Variants in TENM4 observed in about 807,000 individuals in gnomAD.
TENM4 encodes teneurin-4.
A neutral mutation model predicts 243.3 loss-of-function variants in TENM4; 82 were observed. The ratio of observed to expected loss-of-function variants is 0.34; its 90% CI spans 0.28 to 0.40. The LOEUF is 0.40. Ranked by LOEUF, TENM4 falls within the 10% of genes least tolerant of loss-of-function variation. TENM4 has a pLI of 1.00. For synonymous variants in TENM4, 1,412 were observed against 1,456.3 expected (o/e 0.97, Z 0.69); for missense variants, 3,138 against 3,673.3 (o/e 0.85, Z 3.77).
intron 1 of TENM4, among the ~76,000 whole-genome samples, chr11:79,323,236 A>G (rs999341784): frequency 6.6e-6 from 1 of 152,236 alleles, no homozygotes; most frequent in Non-Finnish European, 1.5e-5. Context: ...CTGATCCCAG[A>G]AGGCCTAACC....
intron 30 of TENM4, among the ~76,000 whole-genome samples, chr11:78,675,463 C>A (rs574682994): frequency 2.6e-5 from 4 of 152,190 alleles, no homozygotes; most frequent in Admixed American, 2.0e-4. Context: ...CTCTGTTCAT[C>A]ACCTGCCTTT....
At chr11:79,304,352 G>A (rs1342685000) in intron 1 of TENM4, among the ~76,000 whole-genome samples, 2 of 152,200 alleles carry the variant, frequency 1.3e-5, no homozygotes, top group Non-Finnish European at 2.9e-5. Flanking sequence ...CTCTTGAGGT[G>A]CGAAAGCCAA....
At chr11:79,044,023 G>A (rs1375451748) in intron 6 of TENM4, among the ~76,000 whole-genome samples, 1 of 152,100 alleles carries the variant, frequency 6.6e-6, no homozygotes, top group Non-Finnish European at 1.5e-5. Context: ...TGCTTCCAGG[G>A]TTACATCTGG....
At chr11:78,939,535 C>A (rs1041242032) in intron 6 of TENM4, among the ~76,000 whole-genome samples, 1 of 152,188 alleles carries the variant, frequency 6.6e-6, no homozygotes, top group African/African-American at 2.4e-5. Context: ...GGAGAACTCA[C>A]ATTTATCCTG....
chr11:79,347,177 C>A lies in TENM4; in HGVS notation c.-320-49634G>T, dbSNP rs74813962. ...TAAACTTCACTAGTGCCAGCTCCCA[C>A]CAAATAAACATGCAGGCCACGTCAA... On this transcript the variant is annotated intron_variant, in intron 1 of 33. Coordinates refer to ENST00000278550, the MANE Select transcript of TENM4 (RefSeq NM_001098816.3). Among the ~76,000 whole-genome samples the A allele has an allele frequency of 4.6e-3, 706 of 152,298 alleles. 12 individuals are homozygous for A. The highest frequency in any genetic ancestry group is 0.016 in the African/African-American group (654 of 41,558).
intron 4 of TENM4, among the ~76,000 whole-genome samples, chr11:79,123,195 T>G (rs748244035): frequency 6.6e-6 from 1 of 152,176 alleles, no homozygotes; most frequent in Non-Finnish European, 1.5e-5. Flanking sequence ...TATGCTTACA[T>G]AGTGCTTACT....
At chr11:79,196,691 T>TAACA (rs1399250592) in intron 3 of TENM4, among the ~76,000 whole-genome samples, 1 of 152,148 alleles carries the variant, frequency 6.6e-6, no homozygotes, top group Non-Finnish European at 1.5e-5. Context: ...ATTCTCTTCT[T>TAACA]AACAGGGCCT....
intron 27 of TENM4, among the ~76,000 whole-genome samples, chr11:78,703,025 T>C (rs1480416024): frequency 6.6e-6 from 1 of 152,280 alleles, no homozygotes; most frequent in Non-Finnish European, 1.5e-5. Context: ...GGCCTCTGTC[T>C]GTCATAGTTC....
Position 78,899,567 on chromosome 11 carries a change from G to C in TENM4, c.749+3701C>G, listed in dbSNP as rs1224434568. On this transcript the variant is annotated intron_variant, in intron 7 of 33. Transcript: ENST00000278550. ...CACTCTGTCTCAAAAAGCGGGGGGG[G>C]GGGGAAAAAGAAAAAAGAAAGAAAA... Among the ~76,000 whole-genome samples, 3 of 130,968 alleles carry C rather than the reference G, an allele frequency of 2.3e-5. 1 individual carries two copies. Among genetic ancestry groups the C allele is most frequent in the Non-Finnish European group, 3.3e-5 (2 of 60,882 alleles). The allele number at this position is 130,968 out of a possible 152,430, so 85.9% of individuals were successfully genotyped here.
At chr11:79,217,863 C>T (rs918971118) in intron 2 of TENM4, among the ~76,000 whole-genome samples, 1 of 152,104 alleles carries the variant, frequency 6.6e-6, no homozygotes, top group Non-Finnish European at 1.5e-5. Context: ...GCTGGGATTA[C>T]AGGTGCCCAC....
intron 4 of TENM4, among the ~76,000 whole-genome samples, chr11:79,094,761 A>T (rs1469338094): frequency 6.6e-6 from 1 of 151,846 alleles, no homozygotes; most frequent in African/African-American, 2.4e-5. Context: ...ACCCCTGGAG[A>T]CTCCAGACCA....
At chr11:79,413,632 A>G (rs760603120) in intron 1 of TENM4, among the ~76,000 whole-genome samples, 14 of 152,232 alleles carry the variant, frequency 9.2e-5, no homozygotes, top group Non-Finnish European at 1.6e-4. Context: ...GGTTCAACAT[A>G]CCAACCAAAT....
At chr11:78,767,608 C>T (rs1856565207) in intron 18 of TENM4, among the ~76,000 whole-genome samples, 3 of 152,190 alleles carry the variant, frequency 2.0e-5, no homozygotes, top group Non-Finnish European at 4.4e-5. Context: ...TGTAAACATG[C>T]AGGAGAGGGA....
chr11:78,994,470 G>C (rs543284139), intron 6 of TENM4, among the ~76,000 whole-genome samples: 1 of 152,212 alleles, frequency 6.6e-6, no homozygotes, highest in Non-Finnish European at 1.5e-5. Flanking sequence ...TACTACTTGG[G>C]AGTTTTATAA....
chr11:78,694,924 C>A (rs1013443782), intron 28 of TENM4, among the ~76,000 whole-genome samples: 5 of 152,238 alleles, frequency 3.3e-5, no homozygotes, highest in African/African-American at 1.2e-4. Context: ...ACAGCTCCCA[C>A]TGGACTTCAG....
At chr11:78,787,243 G>A (rs1174587922) in intron 15 of TENM4, among the ~76,000 whole-genome samples, 160 bp from the exon 16 acceptor site, 2 of 152,240 alleles carry the variant, frequency 1.3e-5, no homozygotes, top group Admixed American at 1.3e-4. Context: ...TTCTGTGACA[G>A]ATCAGGATTC....
chr11:79,094,775 G>A (rs528291750), intron 4 of TENM4, among the ~76,000 whole-genome samples: 1 of 152,148 alleles, frequency 6.6e-6, no homozygotes, highest in South Asian at 2.1e-4. Flanking sequence ...CAGACCAGTG[G>A]GGGAGGAGCT....
rs529147847 is a variant in TENM4, at chr11:78,903,441, G to T, written c.576C>A (p.His192Gln). The change falls in exon 7 of 34, where the codon CAC (histidine) becomes CAA (glutamine). Residue 192 changes from histidine (H) to glutamine (Q), a missense_variant. By Grantham distance (24) the His-to-Gln change is conservative (BLOSUM62 0). Around this residue, in one of 2 missense-constraint regions of TENM4, gnomAD observed 671 missense variants for 614.1 expected, o/e 1.09. Transcript: ENST00000278550. ...TCAGGGAGTTAATGGAGGCCGCGTG[G>T]TGCTGGTTGGGGGTGTGGGCGTGCG... ...PLSHAHTPNQHHAASINSLNR... is the reference protein window; with the variant it reads ...PLSHAHTPNQQHAASINSLNR... 5 of 1,548,486 alleles carry T rather than the reference G, an allele frequency of 3.2e-6. No homozygotes were observed. Among genetic ancestry groups the T allele is most frequent in the Non-Finnish European group, 4.4e-6 (5 of 1,145,538 alleles).
At chr11:79,436,439 A>G (rs894892327) in intron 1 of TENM4, among the ~76,000 whole-genome samples, 1 of 152,210 alleles carries the variant, frequency 6.6e-6, no homozygotes, top group Non-Finnish European at 1.5e-5. Flanking sequence ...AATTTGCCTA[A>G]GGCCACAGAG....
Sources: gnomAD v4.1 joint callset for allele counts (sites outside exome capture counted in the v4.1 genomes callset) on GRCh38, gnomAD v4.1.1 for gene constraint, gnomAD v4.1.1 regional missense constraint, MANE v1.5 for transcripts, NCBI Gene and HGNC (gene_info 2026-07-23, HGNC 2026-07-21) for gene names.